Variants in C8orf34 observed in about 807,000 individuals in gnomAD.
The protein encoded by C8orf34 is chromosome 8 open reading frame 34.
In C8orf34, 65 loss-of-function variants were observed where a neutral mutation model predicts 68.3. The ratio of observed to expected loss-of-function variants is 0.95; its 90% CI spans 0.78 to 1.17. The LOEUF (loss-of-function observed/expected upper bound fraction) is 1.17. C8orf34 is among the 50% of genes most tolerant of loss of function. C8orf34 has a pLI of 0.00. For synonymous variants in C8orf34, 244 were observed against 241.2 expected, an observed-to-expected ratio of 1.01 and a Z score of -0.11; for missense variants, 664 against 655.4, an observed-to-expected ratio of 1.01 and a Z score of -0.14.
chr8:68,626,360 T>C (rs1002304567), intron 7 of C8orf34, among the ~76,000 whole-genome samples: 9 of 152,204 alleles, frequency 5.9e-5, no homozygotes, highest in African/African-American at 2.2e-4. Flanking sequence ...TCCACTAATA[T>C]GTCAATTTAG....
Position 68,338,841 on chromosome 8 carries a change from C to CA in C8orf34, c.327+7503dup, listed in dbSNP as rs1260705081. 5.3e-5 allele frequency among the ~76,000 whole-genome samples: 8 copies of CA among 152,120 alleles called. No individual in the cohort carries two copies. The East Asian group carries it at 1.5e-3, about 29-fold the overall frequency. On this transcript the variant is annotated intron_variant, in intron 1 of 13. Coordinates refer to ENST00000518698, the MANE Select transcript of C8orf34 (RefSeq NM_052958.4). ...TTCTGTGAACAGTGTATAGGAGTTC[C>CA]AGTTGTTCCATATCCTCACCTAATC...
At chr8:68,734,175 T>C (rs1303432953) in intron 10 of C8orf34, among the ~76,000 whole-genome samples, 1 of 152,098 alleles carries the variant, frequency 6.6e-6, no homozygotes, top group Non-Finnish European at 1.5e-5. Context: ...CAAGAAAAGG[T>C]AATCAAGAAC....
chr8:68,436,306 T>C (rs1472240223), intron 1 of C8orf34, among the ~76,000 whole-genome samples: 1 of 152,180 alleles, frequency 6.6e-6, no homozygotes, highest in Non-Finnish European at 1.5e-5. Context: ...CTGCATGTTG[T>C]TTATATTAAT....
chr8:68,362,502 C>T (rs967043791), intron 1 of C8orf34, among the ~76,000 whole-genome samples: 4 of 152,136 alleles, frequency 2.6e-5, no homozygotes, highest in Non-Finnish European at 1.5e-5. Context: ...TCTGCATTTC[C>T]ATCTGAGCTT....
At chr8:68,695,468 G>A (rs747241223) in intron 8 of C8orf34, among the ~76,000 whole-genome samples, 1 of 152,030 alleles carries the variant, frequency 6.6e-6, no homozygotes. Flanking sequence ...CTTTTTATAA[G>A]TACATCTTCA....
chr8:68,808,147 C>T (rs1824539647), intron 12 of C8orf34, among the ~76,000 whole-genome samples: 1 of 152,166 alleles, frequency 6.6e-6, no homozygotes, highest in South Asian at 2.1e-4. Context: ...CCATTTAATA[C>T]TTTACTGCTT....
intron 1 of C8orf34, among the ~76,000 whole-genome samples, chr8:68,385,895 A>T (rs2676649): frequency 0.11 from 17,127 of 152,082 alleles, 1,007 homozygotes; most frequent in Middle Eastern, 0.13. Context: ...AATCAGCTTT[A>T]TTTTACTTAT....
chr8:68,721,920 A>T (rs1235622363), intron 10 of C8orf34, among the ~76,000 whole-genome samples: 3 of 152,036 alleles, frequency 2.0e-5, no homozygotes, highest in Admixed American at 6.6e-5. Flanking sequence ...ATAAAAATAA[A>T]TTTTTTACAA....
At chr8:68,443,427 G>A (rs1017066155) in intron 2 of C8orf34, among the ~76,000 whole-genome samples, 12 of 151,884 alleles carry the variant, frequency 7.9e-5, no homozygotes, top group African/African-American at 2.2e-4. Context: ...ATGGAGTCTC[G>A]CTCTGTCACC....
chr8:68,791,284 C>A (rs576840277), intron 12 of C8orf34: 4 of 235,276 alleles, frequency 1.7e-5, no homozygotes, highest in Non-Finnish European at 3.3e-5. Context: ...GAAAGCCACA[C>A]ATTTTTAAAC....
intron 1 of C8orf34, among the ~76,000 whole-genome samples, chr8:68,351,450 T>G (rs188291462): frequency 1.9e-4 from 29 of 152,168 alleles, no homozygotes; most frequent in Middle Eastern, 3.4e-3. Flanking sequence ...GATGATCTTC[T>G]TGTGTAGAAT....
intron 3 of C8orf34, among the ~76,000 whole-genome samples, chr8:68,457,117 C>G (rs1811586625): frequency 6.6e-6 from 1 of 151,922 alleles, no homozygotes; most frequent in African/African-American, 2.4e-5. Flanking sequence ...TTTGTTTATG[C>G]TCCTGCATTT....
rs536413551 is a variant in C8orf34 at position 68,557,026 on chromosome 8, A to G, written c.1105+23877A>G. Among the ~76,000 whole-genome samples the G allele has an allele frequency of 4.6e-5, 7 of 152,320 alleles. No homozygotes were observed. In the South Asian group the frequency reaches 1.2e-3, roughly 27 times the overall value. On this transcript the variant is annotated intron_variant, in intron 7 of 13. Transcript: ENST00000518698. ...TTACAGACCATCATTTCTACCATAC[A>G]TACAACCTGAGTTATTCACATTGCC...
rs142107863 is a variant in C8orf34, at chr8:68,700,136, C to T, written c.1242-8858C>T. On this transcript the variant is annotated intron_variant, in intron 8 of 13. Coordinates refer to ENST00000518698, the MANE Select transcript of C8orf34 (RefSeq NM_052958.4). ...ATCAGGCCACAGCAAGAGTGCCTAC[C>T]GACAAATACCAAAAACCCAAAAACA... Among the ~76,000 whole-genome samples, 6 of 151,984 alleles carry T rather than the reference C, an allele frequency of 3.9e-5. No individual in the cohort carries two copies. The East Asian group carries it at 5.8e-4, about 15-fold the overall frequency.
chr8:68,613,451 C>CA (rs1329605264), intron 7 of C8orf34, among the ~76,000 whole-genome samples: 11 of 149,860 alleles, frequency 7.3e-5, no homozygotes, highest in Admixed American at 2.7e-4. Context: ...CCTCCCCCCA[C>CA]ACAACAGTCC....
chr8:68,455,043 A>G (rs1318906640), intron 3 of C8orf34, among the ~76,000 whole-genome samples: 5 of 151,948 alleles, frequency 3.3e-5, no homozygotes, highest in Non-Finnish European at 5.9e-5. Flanking sequence ...ATTTTCCCAT[A>G]TTTGTGAATT....
intron 13 of C8orf34, among the ~76,000 whole-genome samples, chr8:68,817,346 A>G (rs1388652101): frequency 1.3e-5 from 2 of 152,134 alleles, no homozygotes; most frequent in Non-Finnish European, 2.9e-5. Context: ...TGCAGTTGAT[A>G]AAAGAGTTAG....
intron 11 of C8orf34, among the ~76,000 whole-genome samples, chr8:68,784,486 A>G (rs1823784868): frequency 6.6e-6 from 1 of 152,146 alleles, no homozygotes; most frequent in South Asian, 2.1e-4. Context: ...GAACTATTTG[A>G]AAGAAGGTCA....
At chr8:68,580,476 T>G (rs1334371569) in intron 7 of C8orf34, among the ~76,000 whole-genome samples, 1 of 152,092 alleles carries the variant, frequency 6.6e-6, no homozygotes, top group Non-Finnish European at 1.5e-5. Flanking sequence ...CCAGGAAACT[T>G]TATAGTGAAT....
Sources: gnomAD v4.1 joint callset for allele counts (sites outside exome capture counted in the v4.1 genomes callset) on GRCh38, gnomAD v4.1.1 for gene constraint, MANE v1.5 for transcripts, NCBI Gene and HGNC (gene_info 2026-07-23, HGNC 2026-07-21) for gene names.